Variants in CDC14A observed in about 807,000 individuals in gnomAD.
CDC14A encodes cell division cycle 14A, also known as dual specificity protein phosphatase CDC14A.
CDC14A carries 53 observed loss-of-function variants against 74.4 expected under a neutral mutation model. That is an observed-to-expected ratio of 0.71 (90% CI 0.57 to 0.89). The LOEUF (loss-of-function observed/expected upper bound fraction) is 0.89. CDC14A is among the 40% of genes least tolerant of loss of function. CDC14A has a pLI of 0.00. For missense variants in CDC14A, 646 were observed against 713.7 expected (o/e 0.91, Z 1.08); for synonymous variants, 247 against 258.4 (o/e 0.96, Z 0.43).
chr1:100,499,172 C>T lies in CDC14A; in HGVS notation c.1665C>T (p.Ser555=), dbSNP rs370790422. The T allele has an allele frequency of 4.2e-5, 67 of 1,614,162 alleles. No homozygotes were observed. Among genetic ancestry groups the T allele is most frequent in the East Asian group, 2.2e-4 (10 of 44,880 alleles). The change falls in exon 15 of 16, where the codon AGC becomes AGT. Residue 555 remains serine (S), a synonymous_variant. Coordinates refer to ENST00000336454, the MANE Select transcript of CDC14A (RefSeq NM_003672.4). ...TGAACAGCCCCCCAGGCCCCCACAG[C>T]GCCAAGACAGAGGAGCACACCACCA... ...GNLNSPPGPH[S]AKTEEHTTIL...
At chr1:100,412,221 A>G (rs1471934116) in intron 4 of CDC14A, among the ~76,000 whole-genome samples, 1 of 152,124 alleles carries the variant, frequency 6.6e-6, no homozygotes, top group Admixed American at 6.5e-5. Flanking sequence ...TGGTACAGTT[A>G]TCTGTATCGT....
intron 15 of CDC14A, among the ~76,000 whole-genome samples, chr1:100,515,056 C>G (rs138049951): frequency 6.6e-6 from 1 of 152,252 alleles, no homozygotes; most frequent in African/African-American, 2.4e-5. Flanking sequence ...ACAAAAAAAG[C>G]ATGAAGTTAT....
At chr1:100,447,697 G>T (rs1338223561) in intron 7 of CDC14A, among the ~76,000 whole-genome samples, 2 of 152,174 alleles carry the variant, frequency 1.3e-5, no homozygotes, top group Admixed American at 1.3e-4. Context: ...GGTAGCTGTA[G>T]GTATGTGAGG....
intron 5 of CDC14A, among the ~76,000 whole-genome samples, chr1:100,428,075 T>C (rs1663168853): frequency 6.6e-6 from 1 of 152,208 alleles, no homozygotes; most frequent in African/African-American, 2.4e-5. Flanking sequence ...ACAGTATGGG[T>C]ACATTATTAT....
At chr1:100,405,366 A>G (rs1039296831) in intron 4 of CDC14A, among the ~76,000 whole-genome samples, 6 of 152,176 alleles carry the variant, frequency 3.9e-5, no homozygotes, top group African/African-American at 1.4e-4. Flanking sequence ...GTAAAGGGAT[A>G]ACTCTTACAT....
At chr1:100,383,224 A>G (rs775220864) in intron 3 of CDC14A, among the ~76,000 whole-genome samples, 15 of 152,214 alleles carry the variant, frequency 9.9e-5, no homozygotes, top group African/African-American at 2.7e-4. Context: ...AACCCCGTTT[A>G]TAGAGAATCC....
At chr1:100,370,491 G>A (rs1456722680) in intron 2 of CDC14A, among the ~76,000 whole-genome samples, 3 of 152,064 alleles carry the variant, frequency 2.0e-5, no homozygotes, top group Non-Finnish European at 1.5e-5. Context: ...TTTTGTATAC[G>A]GTGATAGATA....
chr1:100,352,928 C>A lies in CDC14A; in HGVS notation c.-27C>A. 6.2e-7 allele frequency: 1 copy of A among 1,613,536 alleles called. No homozygotes were observed. Among genetic ancestry groups the A allele is most frequent in the Middle Eastern group, 1.8e-4 (1 of 5,622 alleles). On this transcript the variant is annotated 5_prime_UTR_variant, in exon 1 of 16. Coordinates refer to ENST00000336454, the MANE Select transcript of CDC14A (RefSeq NM_003672.4). ...GTGACTTCAGCTGGCCACGACCCAG[C>A]CCTCCCCCGTGCGTATCTCGCTTAA...
chr1:100,491,460 A>G (rs1670607244), intron 11 of CDC14A, among the ~76,000 whole-genome samples: 1 of 148,466 alleles, frequency 6.7e-6, no homozygotes, highest in African/African-American at 2.5e-5. Flanking sequence ...ATATCTCCAT[A>G]TATATGGTAA....
At chr1:100,477,817 A>T (rs1245625955) in intron 10 of CDC14A, among the ~76,000 whole-genome samples, 1 of 152,222 alleles carries the variant, frequency 6.6e-6, no homozygotes, top group Non-Finnish European at 1.5e-5. Context: ...GTGAAAAGTC[A>T]ATCAGTGCTT....
chr1:100,402,754 G>A (rs1659438722), intron 4 of CDC14A, among the ~76,000 whole-genome samples: 1 of 152,172 alleles, frequency 6.6e-6, no homozygotes. Flanking sequence ...GCTTTATCCA[G>A]TCATATAGCA....
intron 10 of CDC14A, among the ~76,000 whole-genome samples, chr1:100,478,500 T>C (rs543959373): frequency 6.6e-6 from 1 of 152,160 alleles, no homozygotes; most frequent in African/African-American, 2.4e-5. Context: ...AAAGGGATCA[T>C]TGAGGGACTA....
intron 15 of CDC14A, chr1:100,504,809 C>T: frequency 6.5e-7 from 1 of 1,534,162 alleles, no homozygotes; most frequent in Non-Finnish European, 8.7e-7. Flanking sequence ...TTTCTTCTCC[C>T]ACAGTGTTCA....
intron 9 of CDC14A, among the ~76,000 whole-genome samples, chr1:100,464,421 A>C (rs993503258): frequency 2.0e-4 from 31 of 152,036 alleles, no homozygotes; most frequent in African/African-American, 6.5e-4. Context: ...CATGTGATTC[A>C]TTTGCACCCT....
chr1:100,478,563 G>T (rs688679), intron 10 of CDC14A, among the ~76,000 whole-genome samples: 129,904 of 152,146 alleles, frequency 0.85, 58,817 homozygotes, highest in Non-Finnish European at 1. Context: ...TATTTATGGG[G>T]CTCAATATGG....
chr1:100,483,490 G>A (rs932314851), intron 10 of CDC14A, among the ~76,000 whole-genome samples: 2 of 151,994 alleles, frequency 1.3e-5, no homozygotes, highest in Non-Finnish European at 2.9e-5. Flanking sequence ...TTTTTATGAC[G>A]AACCACAGTG....
At chr1:100,346,155 G>A (rs752346713) in intron 1 of CDC14A, among the ~76,000 whole-genome samples, 4 of 152,038 alleles carry the variant, frequency 2.6e-5, no homozygotes, top group Non-Finnish European at 5.9e-5. Context: ...CTGGGTGACA[G>A]AGCAAGACTC....
chr1:100,450,369 G>T (rs1666012749), intron 7 of CDC14A, among the ~76,000 whole-genome samples: 1 of 152,194 alleles, frequency 6.6e-6, no homozygotes, highest in Admixed American at 6.5e-5. Flanking sequence ...ATGTAATCTG[G>T]ATGCTGCTTG....
chr1:100,391,078 T>C (rs1395640341), intron 4 of CDC14A: 3 of 464,202 alleles, frequency 6.5e-6, no homozygotes, highest in African/African-American at 6.0e-5. Context: ...TATATAGGTA[T>C]TTTAATAAAA....
Sources: gnomAD v4.1 joint callset for allele counts (sites outside exome capture counted in the v4.1 genomes callset) on GRCh38, gnomAD v4.1.1 for gene constraint, MANE v1.5 for transcripts, NCBI Gene and HGNC (gene_info 2026-07-23, HGNC 2026-07-21) for gene names.